USH2A: variants seen among roughly 807,000 people sequenced by gnomAD.
USH2A encodes Usher syndrome 2A (autosomal recessive, mild).
In USH2A, 443 loss-of-function variants were observed where a neutral mutation model predicts 538.9. The observed-to-expected ratio is 0.82, with a 90% CI of 0.76 to 0.89. The LOEUF (loss-of-function observed/expected upper bound fraction) is 0.89. Among genes scored for constraint, USH2A ranks in the 40% least tolerant of loss-of-function variants. The pLI, the probability that USH2A is intolerant of heterozygous loss-of-function variation, is 0.00. For synonymous variants in USH2A, 2,413 were observed against 2,273.5 expected (o/e 1.06, Z -1.75); for missense variants, 6,633 against 6,324.8 (o/e 1.05, Z -1.65).
intron 32 of USH2A, among the ~76,000 whole-genome samples, chr1:216,035,426 A>G (rs1454848621): frequency 6.6e-6 from 1 of 152,190 alleles, no homozygotes; most frequent in East Asian, 1.9e-4. Context: ...CAAAACAAGG[A>G]GAGAGGGATG....
Position 215,640,670 on chromosome 1 carries a change from A to G in USH2A, c.14856T>C (p.Ser4952=). The G allele has an allele frequency of 1.2e-6, 2 of 1,613,762 alleles. No homozygotes were observed. Among genetic ancestry groups the G allele is most frequent in the Non-Finnish European group, 1.7e-6 (2 of 1,179,958 alleles). The change falls in exon 68 of 72, where the codon AGT becomes AGC. Residue 4952 remains serine (S), a synonymous_variant. Coordinates refer to ENST00000307340, the MANE Select transcript of USH2A (RefSeq NM_206933.4). ...GTTGGCCGTTCAGGAGGAAGGTGTC[A>G]CTCCAGTTCACACACACCACAGACA... The part of the protein sequence containing the change: ...SNLSVVCVNW[S]DTFLLNGQLK...
rs2039690182 is a variant in USH2A at position 216,422,206 on chromosome 1, C to T, written c.131G>A (p.Gly44Glu). 2.5e-6 allele frequency: 4 copies of T among 1,612,276 alleles called. No individual in the cohort carries two copies. The highest frequency in any genetic ancestry group is 2.5e-6 in the Non-Finnish European group (3 of 1,178,754). Residue 44 changes from glycine (G) to glutamate (E), a missense_variant, in exon 2 of 72, where the codon GGA becomes GAA. Transcript: ENST00000307340. ...RGLFPRLENVGAFKKVSIVPT... is the reference protein window; with the variant it reads ...RGLFPRLENVEAFKKVSIVPT... Reference sequence around the variant, plus strand: ...CACGATGGAAACTTTCTTGAAAGCTCCCACGTTCTCCAGCCTTGGGAAAAG... The same window carrying T: ...CACGATGGAAACTTTCTTGAAAGCTTCCACGTTCTCCAGCCTTGGGAAAAG...
chr1:216,192,416 G>A (rs2102657296), intron 19 of USH2A, among the ~76,000 whole-genome samples: 1 of 152,194 alleles, frequency 6.6e-6, no homozygotes, highest in South Asian at 2.1e-4. Flanking sequence ...GGTAGGCCCA[G>A]TGCAGTGGCT....
At chr1:216,267,619 G>C (rs916425985) in intron 11 of USH2A, among the ~76,000 whole-genome samples, 1 of 152,062 alleles carries the variant, frequency 6.6e-6, no homozygotes, top group Admixed American at 6.6e-5. Flanking sequence ...TTGGGAAAGT[G>C]TTCTCTACCC....
At chr1:215,882,909 A>G (rs1455415769) in intron 41 of USH2A, among the ~76,000 whole-genome samples, 8 of 152,164 alleles carry the variant, frequency 5.3e-5, no homozygotes, top group Admixed American at 2.0e-4. Context: ...TGTTTATTTC[A>G]TATTGGAAAG....
intron 16 of USH2A, chr1:216,201,945 G>C (rs2035010347): frequency 6.5e-6 from 1 of 152,926 alleles, no homozygotes. Context: ...ATTTGGAAAA[G>C]TCCCCTAGGG....
chr1:215,986,245 A>C (rs1667870445), intron 35 of USH2A, among the ~76,000 whole-genome samples: 1 of 151,296 alleles, frequency 6.6e-6, no homozygotes, highest in Non-Finnish European at 1.5e-5. Context: ...CCAGCCTCCC[A>C]AGTAGCTGGG....
At chr1:215,803,664 C>T (rs1424488306) in intron 49 of USH2A, among the ~76,000 whole-genome samples, 9 of 152,288 alleles carry the variant, frequency 5.9e-5, no homozygotes, top group African/African-American at 1.9e-4. Flanking sequence ...ACATTCCATG[C>T]TCATGGGTAG....
chr1:216,009,210 T>C (rs998169153), intron 32 of USH2A, among the ~76,000 whole-genome samples: 1 of 152,024 alleles, frequency 6.6e-6, no homozygotes, highest in African/African-American at 2.4e-5. Flanking sequence ...ACCCCTTCCC[T>C]CCGTGTCTCT....
At chr1:216,299,903 A>C (rs1024344114) in intron 9 of USH2A, among the ~76,000 whole-genome samples, 12 of 152,212 alleles carry the variant, frequency 7.9e-5, no homozygotes, top group Non-Finnish European at 1.6e-4. Flanking sequence ...ATTTGATTTA[A>C]GACATATGCA....
intron 21 of USH2A, among the ~76,000 whole-genome samples, chr1:216,129,466 G>T (rs554189949): frequency 6.6e-6 from 1 of 151,600 alleles, no homozygotes; most frequent in African/African-American, 2.4e-5. Flanking sequence ...ATTTGTAATC[G>T]CCACAAATAA....
chr1:216,313,176 C>G (rs183949930), intron 9 of USH2A, among the ~76,000 whole-genome samples: 1 of 152,080 alleles, frequency 6.6e-6, no homozygotes, highest in Non-Finnish European at 1.5e-5. Context: ...GGTTTATGCT[C>G]CTATGACAAC....
intron 11 of USH2A, among the ~76,000 whole-genome samples, chr1:216,284,822 C>A (rs1324491248): frequency 6.6e-6 from 1 of 152,126 alleles, no homozygotes; most frequent in Non-Finnish European, 1.5e-5. Flanking sequence ...CAATAAAGGC[C>A]AGGCTGAGGT....
intron 13 of USH2A, among the ~76,000 whole-genome samples, chr1:216,235,164 C>A (rs1185119074): frequency 6.6e-6 from 1 of 152,150 alleles, no homozygotes; most frequent in Non-Finnish European, 1.5e-5. Context: ...ACAATCTTTT[C>A]CCTTCCCTTC....
chr1:215,793,770 T>C (rs1411485779), intron 50 of USH2A, among the ~76,000 whole-genome samples: 1 of 152,164 alleles, frequency 6.6e-6, no homozygotes, highest in African/African-American at 2.4e-5. Context: ...TCTGAAACAA[T>C]TTCAACTCAG....
chr1:216,300,993 G>A (rs1053170239), intron 9 of USH2A, among the ~76,000 whole-genome samples: 2 of 151,350 alleles, frequency 1.3e-5, no homozygotes, highest in Non-Finnish European at 2.9e-5. Context: ...CAAGTGATCC[G>A]CCCACCTCGG....
chr1:215,763,857 C>T (rs975148707), intron 56 of USH2A, among the ~76,000 whole-genome samples: 3 of 151,642 alleles, frequency 2.0e-5, no homozygotes, highest in Non-Finnish European at 2.9e-5. Flanking sequence ...GAAAGAAGAA[C>T]AATTTTTTTA....
chr1:215,860,478 G>T (rs1328179829), intron 44 of USH2A, among the ~76,000 whole-genome samples: 1 of 152,108 alleles, frequency 6.6e-6, no homozygotes, highest in Non-Finnish European at 1.5e-5. Context: ...GCGCAAAGTA[G>T]TTGTGGTTTT....
chr1:216,167,053 C>A (rs1437474107), intron 21 of USH2A, among the ~76,000 whole-genome samples: 2 of 152,092 alleles, frequency 1.3e-5, no homozygotes, highest in Non-Finnish European at 2.9e-5. Flanking sequence ...AGTCAAGGAA[C>A]TGAGCCTCCC....
Sources: gnomAD v4.1 joint callset for allele counts (sites outside exome capture counted in the v4.1 genomes callset) on GRCh38, gnomAD v4.1.1 for gene constraint, MANE v1.5 for transcripts, NCBI Gene and HGNC (gene_info 2026-07-23, HGNC 2026-07-21) for gene names.